The following CC2D2B variants were observed in gnomAD, a reference collection of about 807,000 sequenced individuals.
CC2D2B encodes the protein protein CC2D2B.
In CC2D2B, 128 loss-of-function variants were observed where a neutral mutation model predicts 161.2. The ratio of observed to expected loss-of-function variants is 0.79; its 90% confidence interval spans 0.69 to 0.92. The LOEUF is 0.92. CC2D2B is among the 40% of genes least tolerant of loss of function. The probability of loss-of-function intolerance (pLI) is 0.00; values close to 1 mark genes in which losing one functional copy is unlikely to be tolerated. For synonymous variants in CC2D2B, 391 were observed against 449.8 expected (o/e 0.87, Z 1.65); for missense variants, 1,173 against 1,375.1 (o/e 0.85, Z 2.32).
intron 25 of CC2D2B, among the ~76,000 whole-genome samples, chr10:96,008,694 A>C (rs1048679156): frequency 7.2e-5 from 11 of 152,054 alleles, no homozygotes; most frequent in African/African-American, 2.7e-4. Flanking sequence ...CCATTTATAT[A>C]TCTTTTTTGG....
intron 19 of CC2D2B, among the ~76,000 whole-genome samples, chr10:95,986,503 T>G (rs1056542481): frequency 6.6e-6 from 1 of 151,508 alleles, no homozygotes; most frequent in Non-Finnish European, 1.5e-5. Context: ...GAAGATTACT[T>G]GTGAAAAGCA....
chr10:95,984,439 G>C (rs920703728), intron 19 of CC2D2B, among the ~76,000 whole-genome samples: 2 of 152,068 alleles, frequency 1.3e-5, no homozygotes, highest in Non-Finnish European at 2.9e-5. Flanking sequence ...TCATGCTGAA[G>C]TATTTATCTA....
At chr10:95,938,353 G>C (rs1243089346) in intron 7 of CC2D2B, 164 bp downstream of exon 7, 2 of 616,002 alleles carry the variant, frequency 3.2e-6, no homozygotes, top group Non-Finnish European at 5.8e-6. Context: ...CTGATTAAGA[G>C]AACTCATTCT....
rs572707757 is a variant in CC2D2B, at chr10:95,988,342, G to C, written c.2379G>C (p.Lys793Asn). 1 of 1,203,482 alleles carries C rather than the reference G, an allele frequency of 8.3e-7. No individual in the cohort carries two copies. Among genetic ancestry groups the C allele is most frequent in the Non-Finnish European group, 1.0e-6 (1 of 961,260 alleles). The allele number at this position is 1,203,482 out of a possible 1,614,324, so 74.6% of individuals were successfully genotyped here. A position where few individuals can be genotyped will look rare whatever the true frequency, so the allele number is the denominator to read the frequency against. ...TTAATTCTGCCAATTTTCTGAAAAA[G>C]GTAACAACACAGTATTATCAATATA... is the stretch of plus-strand genomic sequence containing the variant. ...QRINSANFLK[K>N]VRRLIMKRIV... Residue 793 changes from lysine (K) to asparagine (N), a missense_variant and splice_region_variant, in exon 20 of 35, where the codon AAG becomes AAC. By Grantham distance (94) the Lys-to-Asn change is moderately conservative (BLOSUM62 0). Coordinates refer to ENST00000646931, the MANE Select transcript of CC2D2B (RefSeq NM_001349008.3).
intron 17 of CC2D2B, among the ~76,000 whole-genome samples, chr10:95,980,199 A>AAGGG (rs2077461962): frequency 6.9e-6 from 1 of 145,008 alleles, no homozygotes; most frequent in East Asian, 2.3e-4. Context: ...GGAAGAGAGG[A>AAGGG]AGGGAGGGAG....
chr10:95,914,014 G>A (rs2098511373), intron 2 of CC2D2B, among the ~76,000 whole-genome samples: 1 of 152,112 alleles, frequency 6.6e-6, no homozygotes, highest in Non-Finnish European at 1.5e-5. Flanking sequence ...TGCTTTTGGG[G>A]TATTACTTAA....
chr10:96,023,961 C>A (rs1348804240), intron 32 of CC2D2B, among the ~76,000 whole-genome samples: 11 of 152,256 alleles, frequency 7.2e-5, no homozygotes, highest in African/African-American at 2.7e-4. Context: ...CCTTTTTACA[C>A]AACCCTCATT....
At position 95,938,610 on chromosome 10, in the gene CC2D2B, A is replaced by G. The variant is rs553978760; in HGVS notation, c.577A>G (p.Ile193Val). 2.0e-5 allele frequency: 14 copies of G among 711,370 alleles called. No individual in the cohort carries two copies. The highest frequency in any genetic ancestry group is 1.2e-4 in the African/African-American group (7 of 56,860). 44.1% of individuals were successfully genotyped at this position (711,370 alleles called of 1,614,324 possible). ...ACTGCCAAAAGATATGATGCCACGT[A>G]TTCTAGAAGATGAAGGATTCTATAT... is the stretch of plus-strand genomic sequence containing the variant. Reference protein sequence around the residue: ...RKLPKDMMPRILEDEGFYIQR... With the variant: ...RKLPKDMMPRVLEDEGFYIQR... The change falls in exon 8 of 35, where the codon ATT (isoleucine) becomes GTT (valine). Residue 193 changes from isoleucine to valine, a missense_variant. Around this residue, in one of 3 missense-constraint regions of CC2D2B, gnomAD observed 298 missense variants for 261.2 expected, o/e 1.14. Transcript: ENST00000646931.
intron 12 of CC2D2B, among the ~76,000 whole-genome samples, chr10:95,964,756 C>T (rs2076882833): frequency 6.6e-6 from 1 of 152,064 alleles, no homozygotes; most frequent in African/African-American, 2.4e-5. Context: ...TTTCAGAAGG[C>T]AAAAAGCATA....
chr10:95,938,131 T>C lies in CC2D2B; in HGVS notation c.477T>C (p.Asp159=). The C allele has an allele frequency of 6.4e-7, 1 of 1,550,522 alleles. No homozygotes were observed. Among genetic ancestry groups the C allele is most frequent in the Non-Finnish European group, 8.7e-7 (1 of 1,146,052 alleles). Residue 159 remains aspartate, a synonymous_variant, in exon 7 of 35, where the codon GAT becomes GAC. Coordinates refer to ENST00000646931, the MANE Select transcript of CC2D2B (RefSeq NM_001349008.3). ...ILKVKAADYE[D]DQEQIKKQKA... ...AAGTAAAAGCTGCTGACTATGAAGA[T>C]GATCAAGAACAAATAAAAAAACAGA...
At chr10:96,016,376 G>T in intron 30 of CC2D2B, 62 bp downstream of exon 30, 2 of 1,143,846 alleles carry the variant, frequency 1.7e-6, no homozygotes, top group Non-Finnish European at 2.6e-6. Flanking sequence ...TCAGCTGCAA[G>T]TTTAGAAGAC....
intron 2 of CC2D2B, among the ~76,000 whole-genome samples, chr10:95,914,341 G>T (rs1369064017): frequency 6.6e-6 from 1 of 152,034 alleles, no homozygotes; most frequent in African/African-American, 2.4e-5. Flanking sequence ...GTGTGTGTGT[G>T]TATTTTAATG....
intron 24 of CC2D2B, among the ~76,000 whole-genome samples, chr10:95,999,140 G>A (rs2078358873): frequency 6.6e-6 from 1 of 152,140 alleles, no homozygotes; most frequent in Non-Finnish European, 1.5e-5. Context: ...AATAATGTTT[G>A]ACCAAATATC....
chr10:95,974,098 G>A lies in CC2D2B; in HGVS notation c.1885G>A (p.Asp629Asn). The change falls in exon 17 of 35, where the codon GAT becomes AAT. Residue 629 changes from aspartate to asparagine, a missense_variant. Physicochemically the swap from Asp to Asn is conservative, Grantham distance 23. Transcript: ENST00000646931. Reference sequence around the variant, plus strand: ...TAGCTATTCTCTATCATGGAGCTTAGATGAAAATGGTCTTCCTCTGATACC... The same window carrying A: ...TAGCTATTCTCTATCATGGAGCTTAAATGAAAATGGTCTTCCTCTGATACC... The part of the protein sequence containing the change: ...KLSYSLSWSL[D>N]ENGLPLIPMP... 2 of 1,230,496 alleles carry A rather than the reference G, an allele frequency of 1.6e-6. No individual in the cohort carries two copies. The highest frequency in any genetic ancestry group is 2.0e-6 in the Non-Finnish European group (2 of 986,500). 76.2% of individuals were successfully genotyped at this position (1,230,496 alleles called of 1,614,324 possible).
intron 1 of CC2D2B, 130 bp downstream of exon 1, chr10:95,908,187 C>T (rs1156487474): frequency 1.3e-5 from 2 of 152,230 alleles, no homozygotes; most frequent in Admixed American, 1.3e-4. Context: ...CCGCGCAGGC[C>T]GCTGGGACTT....
intron 2 of CC2D2B, among the ~76,000 whole-genome samples, chr10:95,918,424 A>G (rs2098520646): frequency 6.6e-6 from 1 of 152,230 alleles, no homozygotes; most frequent in Admixed American, 6.5e-5. Context: ...CAGCACGTTA[A>G]ATAGATTCTG....
intron 29 of CC2D2B, among the ~76,000 whole-genome samples, chr10:96,015,469 G>GTTT (rs60156277): frequency 0.022 from 3,265 of 148,100 alleles, 82 homozygotes; most frequent in Admixed American, 0.052. Flanking sequence ...GTTTGTTTTT[G>GTTT]TTTTTTTTTT....
chr10:95,959,431 C>T (rs2076688369), intron 11 of CC2D2B, among the ~76,000 whole-genome samples: 1 of 152,084 alleles, frequency 6.6e-6, no homozygotes, highest in Non-Finnish European at 1.5e-5. Context: ...AGTTTCACAA[C>T]CTCTTATTTA....
In CC2D2B at chr10:96,033,337, G is replaced by A. The variant is rs1312338635; in HGVS notation, c.*1329G>A. Among the ~76,000 whole-genome samples the A allele has an allele frequency of 6.6e-6, 1 of 152,188 alleles. No homozygotes were observed. Among genetic ancestry groups the A allele is most frequent in the Non-Finnish European group, 1.5e-5 (1 of 68,032 alleles). ...AGATTACTAGAAGAGGCAAAGTAGG[G>A]ACATGGGTGAAGGAATGTTTTTTTC... On this transcript the variant is annotated 3_prime_UTR_variant, in exon 35 of 35. Transcript: ENST00000646931.
Sources: gnomAD v4.1 joint callset for allele counts (sites outside exome capture counted in the v4.1 genomes callset) on GRCh38, gnomAD v4.1.1 for gene constraint, gnomAD v4.1.1 regional missense constraint, MANE v1.5 for transcripts, NCBI Gene and HGNC (gene_info 2026-07-23, HGNC 2026-07-21) for gene names.